The following SNX18 variants were observed in gnomAD, a reference collection of about 807,000 sequenced individuals.
The protein encoded by SNX18 is sorting nexin-18.
Under a neutral mutation model 48.7 loss-of-function variants are expected in SNX18, and 35 were observed. That is an observed-to-expected ratio of 0.72 (90% CI 0.55 to 0.95). SNX18 has a LOEUF of 0.95. Ranked by LOEUF, SNX18 falls within the 40% of genes least tolerant of loss-of-function variation. SNX18 has a pLI of 0.00. For synonymous variants in SNX18, 492 were observed against 384.7 expected (o/e 1.28, Z -3.26); for missense variants, 824 against 871.0 (o/e 0.95, Z 0.68).
chr5:54,551,449 G>A (rs999430048), downstream of SNX18, among the ~76,000 whole-genome samples: 18 of 152,264 alleles, frequency 1.2e-4, no homozygotes, highest in Middle Eastern at 3.4e-3. Context: ...TCTGCACTCC[G>A]ATCACTTTTG....
chr5:54,592,696 C>T, the SNX18 span, among the ~76,000 whole-genome samples: 1 of 152,236 alleles, frequency 6.6e-6, no homozygotes, highest in Non-Finnish European at 1.5e-5. Context: ...AAATGTTCTA[C>T]ACTTGCCAAC....
chr5:54,546,766 A>T (rs1229651317), downstream of SNX18, among the ~76,000 whole-genome samples: 2 of 152,354 alleles, frequency 1.3e-5, no homozygotes, highest in Non-Finnish European at 2.9e-5. Context: ...CATCATTCAG[A>T]TAGTCCCATG....
intron 1 of SNX18, among the ~76,000 whole-genome samples, chr5:54,536,692 G>A (rs1762363129): frequency 6.6e-6 from 1 of 152,162 alleles, no homozygotes; most frequent in South Asian, 2.1e-4. Context: ...ATAAACATAC[G>A]TGTGTATGTG....
downstream of SNX18, among the ~76,000 whole-genome samples, chr5:54,549,277 G>T (rs1029461050): frequency 1.3e-5 from 2 of 152,188 alleles, no homozygotes; most frequent in Non-Finnish European, 2.9e-5. Context: ...TAAATAATAA[G>T]AACATTGTGT....
At chr5:54,585,778 C>T in the SNX18 span, among the ~76,000 whole-genome samples, 18 of 151,936 alleles carry the variant, frequency 1.2e-4, no homozygotes, top group East Asian at 9.7e-4. Context: ...CCGAGGCGGG[C>T]GGATCACGAG....
the SNX18 span, among the ~76,000 whole-genome samples, chr5:54,588,349 A>G: frequency 1.5e-5 from 1 of 67,220 alleles, no homozygotes; most frequent in Non-Finnish European, 2.7e-5. Flanking sequence ...TTTTTTTGAG[A>G]CGGAGTCTCT....
the SNX18 span, among the ~76,000 whole-genome samples, chr5:54,600,054 G>A: frequency 6.6e-6 from 1 of 152,100 alleles, no homozygotes; most frequent in Non-Finnish European, 1.5e-5. Context: ...AACAAACAGA[G>A]TGGGAGAAAA....
At chr5:54,627,481 T>C in the SNX18 span, among the ~76,000 whole-genome samples, 1 of 152,196 alleles carries the variant, frequency 6.6e-6, no homozygotes, top group Non-Finnish European at 1.5e-5. Context: ...CTGGAATGCC[T>C]AGCTCATAGT....
chr5:54,581,013 C>G, the SNX18 span, among the ~76,000 whole-genome samples: 1 of 152,162 alleles, frequency 6.6e-6, no homozygotes, highest in South Asian at 2.1e-4. Flanking sequence ...AAAAAGGATG[C>G]TGAGGAAGCA....
the SNX18 span, among the ~76,000 whole-genome samples, chr5:54,608,117 C>A: frequency 6.6e-6 from 1 of 152,108 alleles, no homozygotes; most frequent in Non-Finnish European, 1.5e-5. Flanking sequence ...AGTAGTTGTA[C>A]CATTTTGTGT....
At chr5:54,633,143 T>G in the SNX18 span, among the ~76,000 whole-genome samples, 2 of 152,098 alleles carry the variant, frequency 1.3e-5, no homozygotes, top group African/African-American at 2.4e-5. Context: ...GTCTCCTCTT[T>G]CGACCTGCCT....
At position 54,518,694 on chromosome 5, in the gene SNX18, G is replaced by T. The variant is rs772796832; in HGVS notation, c.742G>T (p.Ala248Ser). 65 of 1,577,122 alleles carry T rather than the reference G, an allele frequency of 4.1e-5. No individual in the cohort carries two copies. The highest frequency in any genetic ancestry group is 5.5e-5 in the Non-Finnish European group (64 of 1,162,504). The change falls in exon 1 of 2, where the codon GCG (alanine) becomes TCG (serine). Residue 248 changes from alanine (A) to serine (S), a missense_variant. By Grantham distance (99) the Ala-to-Ser change is moderately conservative. This residue lies in a region of SNX18 where 443 missense variants were observed against 503.6 expected (regional missense o/e 0.88). Coordinates refer to ENST00000381410, the MANE Select transcript of SNX18 (RefSeq NM_001102575.2). ...SGGEAFVLGE[A>S]SGFVKDGDKL... The stretch of plus-strand genomic sequence containing the variant: ...CGGGGAGGCCTTCGTGCTGGGGGAG[G>T]CGTCAGGCTTCGTGAAGGACGGGGA...
chr5:54,614,800 C>A, the SNX18 span, among the ~76,000 whole-genome samples: 2 of 152,210 alleles, frequency 1.3e-5, no homozygotes, highest in Middle Eastern at 6.8e-3. Flanking sequence ...GTGATTAAAT[C>A]TTTTAAAAAT....
At chr5:54,574,697 C>T in the SNX18 span, among the ~76,000 whole-genome samples, 35 of 152,142 alleles carry the variant, frequency 2.3e-4, no homozygotes, top group Non-Finnish European at 4.0e-4. Flanking sequence ...GTGAGAGATG[C>T]TAAGGAACGA....
chr5:54,626,060 A>G, the SNX18 span, among the ~76,000 whole-genome samples: 1 of 152,320 alleles, frequency 6.6e-6, no homozygotes, highest in Middle Eastern at 3.4e-3. Flanking sequence ...CTGTTGCATG[A>G]TCCAATAAAA....
chr5:54,625,363 C>A, the SNX18 span, among the ~76,000 whole-genome samples: 1 of 152,216 alleles, frequency 6.6e-6, no homozygotes, highest in Non-Finnish European at 1.5e-5. Context: ...CATCTCCAGA[C>A]TCAACTAGAG....
chr5:54,581,594 C>T, the SNX18 span, among the ~76,000 whole-genome samples: 1 of 152,268 alleles, frequency 6.6e-6, no homozygotes, highest in Admixed American at 6.5e-5. Flanking sequence ...TTTCCCCTCC[C>T]TTCTTCCCTT....
chr5:54,518,706 G>A lies in SNX18; in HGVS notation c.754G>A (p.Val252Met). 6.3e-7 allele frequency: 1 copy of A among 1,586,356 alleles called. No homozygotes were observed. The highest frequency in any genetic ancestry group is 1.1e-5 in the South Asian group (1 of 87,508). Residue 252 changes from valine (V) to methionine (M), a missense_variant, in exon 1 of 2, where the codon GTG becomes ATG. By Grantham distance (21) the Val-to-Met change is conservative. Transcript: ENST00000381410. The stretch of plus-strand genomic sequence containing the variant: ...CGTGCTGGGGGAGGCGTCAGGCTTC[G>A]TGAAGGACGGGGACAAGCTGTGCGT... The part of the protein sequence containing the change: ...AFVLGEASGF[V>M]KDGDKLCVVL...
chr5:54,613,897 G>A, the SNX18 span, among the ~76,000 whole-genome samples: 31 of 152,144 alleles, frequency 2.0e-4, 1 homozygote, highest in Non-Finnish European at 1.3e-4. Context: ...GTTTCTCCAT[G>A]TTGGTCAGGT....
Sources: allele counts gnomAD v4.1 joint callset (sites outside exome capture counted in the v4.1 genomes callset), GRCh38; gene constraint gnomAD v4.1.1; regional missense constraint gnomAD v4.1.1; transcripts MANE v1.5; gene names NCBI Gene and HGNC (gene_info 2026-07-23, HGNC 2026-07-21).